Variants in ADRA1D observed in about 807,000 individuals in gnomAD.
ADRA1D encodes alpha-1D adrenergic receptor.
Under a neutral mutation model 18.6 loss-of-function variants are expected in ADRA1D, and 22 were observed. That is an observed-to-expected ratio of 1.19 (90% CI 0.85 to 1.69). The LOEUF is 1.69. ADRA1D is among the 40% of genes most tolerant of loss of function. ADRA1D has a pLI of 0.00. For synonymous variants in ADRA1D, 376 were observed against 388.2 expected (o/e 0.97, Z 0.37); for missense variants, 840 against 840.7 (o/e 1.00, Z 0.01).
rs1228953334 is a variant in ADRA1D, at chr20:4,221,979, G to A, written c.1263C>T (p.Cys421=). Reference sequence around the variant, plus strand: ...GAGGGCGGCGGCGCCGGCGACGACGGCACTGGCAGCGCAGGAGACGGAGGA... The same window carrying A: ...GAGGGCGGCGGCGCCGGCGACGACGACACTGGCAGCGCAGGAGACGGAGGA... The part of the protein sequence containing the change: ...RAFLRLLRCQ[C]RRRRRRRPLW... The change falls in exon 2 of 2, where the codon TGC becomes TGT. Residue 421 remains cysteine (C), a synonymous_variant. Transcript: ENST00000379453. 3 of 1,569,348 alleles carry A rather than the reference G, an allele frequency of 1.9e-6. No individual in the cohort carries two copies. The highest frequency in any genetic ancestry group is 2.3e-5 in the South Asian group (2 of 86,548).
chr20:4,228,631 T>G (rs1980876586), intron 1 of ADRA1D, among the ~76,000 whole-genome samples: 1 of 152,240 alleles, frequency 6.6e-6, no homozygotes, highest in African/African-American at 2.4e-5. Context: ...TTCCAAGCCT[T>G]GCAGCCTGCC....
rs1276586714 is a variant in ADRA1D, at chr20:4,248,987, G to A, written c.-30C>T. On this transcript the variant is annotated 5_prime_UTR_variant, in exon 1 of 2. Transcript: ENST00000379453. ...ACGCGCGGCCGTCGGTGGCCGGGCC[G>A]GGGCACAGAACGAGCGGCCGGCAGG... 9 of 1,305,954 alleles carry A rather than the reference G, an allele frequency of 6.9e-6. No individual in the cohort carries two copies. The highest frequency in any genetic ancestry group is 8.9e-6 in the Non-Finnish European group (9 of 1,016,248). The allele number at this position is 1,305,954 out of a possible 1,614,324, so 80.9% of individuals were successfully genotyped here.
At chr20:4,241,337 A>G (rs553436034) in intron 1 of ADRA1D, among the ~76,000 whole-genome samples, 2 of 152,370 alleles carry the variant, frequency 1.3e-5, no homozygotes, top group Admixed American at 1.3e-4. Context: ...GTGCAACAGT[A>G]TCACATGATA....
At chr20:4,238,611 C>T (rs6076639) in intron 1 of ADRA1D, among the ~76,000 whole-genome samples, 27,402 of 152,166 alleles carry the variant, frequency 0.18, 2,568 homozygotes, top group Middle Eastern at 0.29. Context: ...TGCCTCGAGG[C>T]AGCAGCCTGA....
At position 4,241,086 on chromosome 20, in the gene ADRA1D, A is replaced by T. The variant is rs559918098; in HGVS notation, c.1111+6761T>A. ...AAATGGGGACTCACCCCCAACCCACAACAAGTAAAGAGAGTTGACTTTAAA... is the reference window on the plus strand; with the variant it reads ...AAATGGGGACTCACCCCCAACCCACTACAAGTAAAGAGAGTTGACTTTAAA... On this transcript the variant is annotated intron_variant, in intron 1 of 1. Coordinates refer to ENST00000379453, the MANE Select transcript of ADRA1D (RefSeq NM_000678.4). Among the ~76,000 whole-genome samples, 4 of 152,320 alleles carry T rather than the reference A, an allele frequency of 2.6e-5. No individual in the cohort carries two copies. In the South Asian group the frequency reaches 6.2e-4, roughly 24 times the overall value.
At chr20:4,224,402 C>A (rs968140379) in intron 1 of ADRA1D, among the ~76,000 whole-genome samples, 1 of 152,066 alleles carries the variant, frequency 6.6e-6, no homozygotes, top group Non-Finnish European at 1.5e-5. Flanking sequence ...AAACATCTCC[C>A]CTGACATCCA....
rs772947925 is a variant in ADRA1D at position 4,222,023 on chromosome 20, G to T, written c.1219C>A (p.Arg407Ser). Residue 407 changes from arginine (R) to serine (S), a missense_variant, in exon 2 of 2, where the codon CGC becomes AGC. Arg to Ser is a moderately radical substitution (Grantham distance 110, BLOSUM62 -1). Transcript: ENST00000379453. The surrounding 1 kb of genome is among the most constrained non-coding windows in gnomAD (Gnocchi z 4.3). ...VNPLIYPCSS[R>S]EFKRAFLRLL... Reference sequence around the variant, plus strand: ...CGGAGGAAGGCGCGCTTGAACTCGCGGCTGGAACAGGGGTAGATGAGCGGG... The same window carrying T: ...CGGAGGAAGGCGCGCTTGAACTCGCTGCTGGAACAGGGGTAGATGAGCGGG... The T allele has an allele frequency of 4.4e-6, 7 of 1,606,738 alleles. No homozygotes were observed. The highest frequency in any genetic ancestry group is 6.0e-6 in the Non-Finnish European group (7 of 1,176,366).
chr20:4,228,110 C>T (rs1185269536), intron 1 of ADRA1D, among the ~76,000 whole-genome samples: 1 of 152,188 alleles, frequency 6.6e-6, no homozygotes, highest in Non-Finnish European at 1.5e-5. Flanking sequence ...CTCCTGCCAG[C>T]TCCTTGGATT....
In ADRA1D at chr20:4,249,028, C is replaced by G; in HGVS notation, c.-71G>C. Reference sequence around the variant, plus strand: ...GGCCGGCAGGGAGGGGAGCACAGGGCATAGCCGCGGGGCTCCAGATGCAGC... The same window carrying G: ...GGCCGGCAGGGAGGGGAGCACAGGGGATAGCCGCGGGGCTCCAGATGCAGC... On this transcript the variant is annotated 5_prime_UTR_variant, in exon 1 of 2. An upstream start codon of the reference 5' UTR is lost. Transcript: ENST00000379453. 2 of 1,135,438 alleles carry G rather than the reference C, an allele frequency of 1.8e-6. No homozygotes were observed. Among genetic ancestry groups the G allele is most frequent in the South Asian group, 3.8e-5 (2 of 53,246 alleles). The allele number at this position is 1,135,438 out of a possible 1,614,324, so 70.3% of individuals were successfully genotyped here.
In ADRA1D at chr20:4,221,648, C is replaced by G. The variant is rs1980666401; in HGVS notation, c.1594G>C (p.Ala532Pro). The G allele has an allele frequency of 6.2e-7, 1 of 1,612,844 alleles. No homozygotes were observed. Among genetic ancestry groups the G allele is most frequent in the South Asian group, 1.1e-5 (1 of 91,020 alleles). ...TCCACCTCTGAGCGCTGGGCGCACGCTGCCTCTGCGCGCTGCGCGCCCCCG... is the reference window on the plus strand; with the variant it reads ...TCCACCTCTGAGCGCTGGGCGCACGGTGCCTCTGCGCGCTGCGCGCCCCCG... ...RAGGAQRAEA[A>P]CAQRSEVEAV... Residue 532 changes from alanine (A) to proline (P), a missense_variant, in exon 2 of 2, where the codon GCG becomes CCG. Physicochemically the swap from Ala to Pro is conservative, Grantham distance 27. Transcript: ENST00000379453.
chr20:4,240,266 A>G (rs1981182046), intron 1 of ADRA1D, among the ~76,000 whole-genome samples: 1 of 152,178 alleles, frequency 6.6e-6, no homozygotes. Context: ...AGGCAAATCG[A>G]CCATATGCAA....
chr20:4,231,492 G>A (rs567190385), intron 1 of ADRA1D, among the ~76,000 whole-genome samples: 8 of 152,214 alleles, frequency 5.3e-5, no homozygotes, highest in Admixed American at 5.2e-4. Flanking sequence ...TCTAGCACAA[G>A]TGCCTGACTC....
rs1303464574 is a variant in ADRA1D at position 4,248,680 on chromosome 20, C to T, written c.278G>A (p.Ser93Asn). The change falls in exon 1 of 2, where the codon AGC becomes AAC. Residue 93 changes from serine (S) to asparagine (N), a missense_variant. Transcript: ENST00000379453. ...GACGCCCACGCCCACGCCCTGCGCGCTCACCACCAGTCCCCCGACGGCCGC... is the reference window on the plus strand; with the variant it reads ...GACGCCCACGCCCACGCCCTGCGCGTTCACCACCAGTCCCCCGACGGCCGC... ...GTAAVGGLVV[S>N]AQGVGVGVFL... 1 of 1,593,694 alleles carries T rather than the reference C, an allele frequency of 6.3e-7. No individual in the cohort carries two copies. The highest frequency in any genetic ancestry group is 8.5e-7 in the Non-Finnish European group (1 of 1,171,302).
chr20:4,244,193 A>G (rs1229085359), intron 1 of ADRA1D, among the ~76,000 whole-genome samples: 1 of 152,108 alleles, frequency 6.6e-6, no homozygotes, highest in Admixed American at 6.6e-5. Flanking sequence ...CGGAAGTGTG[A>G]GTGAGGGCAC....
At chr20:4,241,649 A>G (rs6107428) in intron 1 of ADRA1D, among the ~76,000 whole-genome samples, 291 of 152,256 alleles carry the variant, frequency 1.9e-3, no homozygotes, top group African/African-American at 6.5e-3. Context: ...GCCGGGAGAC[A>G]ATGATGCCAT....
At position 4,221,439 on chromosome 20, in the gene ADRA1D, CG is replaced by C; in HGVS notation, c.*83del. The C allele has an allele frequency of 6.9e-7, 1 of 1,441,860 alleles. No homozygotes were observed. Among genetic ancestry groups the C allele is most frequent in the East Asian group, 2.3e-5 (1 of 43,272 alleles). 89.3% of individuals were successfully genotyped at this position (1,441,860 alleles called of 1,614,324 possible). ...TCAGTTTCCGGGTCTCCGATTTGCA[CG>C]GGGGCTCTTAGAACACCAGCCCGCC... On this transcript the variant is annotated 3_prime_UTR_variant, in exon 2 of 2. Transcript: ENST00000379453.
chr20:4,230,072 C>T (rs775407966), intron 1 of ADRA1D, among the ~76,000 whole-genome samples: 4 of 152,196 alleles, frequency 2.6e-5, no homozygotes, highest in Non-Finnish European at 4.4e-5. Flanking sequence ...TTTTCTTCCT[C>T]CAATATCCAT....
chr20:4,229,574 AT>A (rs2122660600), intron 1 of ADRA1D, among the ~76,000 whole-genome samples: 1 of 151,782 alleles, frequency 6.6e-6, no homozygotes, highest in Non-Finnish European at 1.5e-5. Context: ...GGGGAGGAAC[AT>A]TCCAGCAGAG....
At chr20:4,238,532 G>A (rs1317914482) in intron 1 of ADRA1D, among the ~76,000 whole-genome samples, 1 of 152,062 alleles carries the variant, frequency 6.6e-6, no homozygotes, top group Non-Finnish European at 1.5e-5. Flanking sequence ...TCCTTAGAAA[G>A]GAAAAAGGGT....
Sources: allele counts gnomAD v4.1 joint callset (sites outside exome capture counted in the v4.1 genomes callset), GRCh38; gene constraint gnomAD v4.1.1; non-coding constraint Gnocchi (gnomAD v3.1); transcripts MANE v1.5; gene names NCBI Gene and HGNC (gene_info 2026-07-23, HGNC 2026-07-21).